SLC68A1: variants seen among roughly 807,000 people sequenced by gnomAD.
SLC68A1 encodes solute carrier family 68 member 1.
At chr10:102,471,070 G>A in the SLC68A1 span, 2 of 1,613,920 alleles carry the variant, frequency 1.2e-6, no homozygotes, top group Non-Finnish European at 1.7e-6. Context: ...GGCGGGTTGA[G>A]GCGGCCCGAA....
chr10:102,475,643 T>G, the SLC68A1 span: 1 of 1,488,030 alleles, frequency 6.7e-7, no homozygotes, highest in African/African-American at 1.4e-5. Flanking sequence ...GTCTGAGATG[T>G]CACACCATAG....
chr10:102,474,641 TTTTA>T, the SLC68A1 span, among the ~76,000 whole-genome samples: 4 of 151,918 alleles, frequency 2.6e-5, no homozygotes, highest in Non-Finnish European at 5.9e-5. Context: ...AGGGTTTTAT[TTTTA>T]TTTATTTATT....
chr10:102,467,141 G>T, the SLC68A1 span, among the ~76,000 whole-genome samples: 1 of 152,178 alleles, frequency 6.6e-6, no homozygotes, highest in South Asian at 2.1e-4. Context: ...GGGTTCAAGC[G>T]ATTCTCCTGC....
the SLC68A1 span, chr10:102,470,573 G>A: frequency 1.3e-6 from 2 of 1,535,320 alleles, no homozygotes; most frequent in African/African-American, 1.4e-5. Flanking sequence ...CACACCCTGG[G>A]CCTCCATCCC....
the SLC68A1 span, chr10:102,475,934 C>T: frequency 7.4e-6 from 12 of 1,613,296 alleles, no homozygotes; most frequent in African/African-American, 1.3e-4. Context: ...GGTCAAGGCC[C>T]AGCGCCAGAA....
chr10:102,471,192 C>CT, the SLC68A1 span: 2 of 1,599,080 alleles, frequency 1.3e-6, no homozygotes, highest in Non-Finnish European at 1.7e-6. Context: ...GGGTCCCCGG[C>CT]TGATGGGGGC....
the SLC68A1 span, chr10:102,475,601 CAGG>C: frequency 8.6e-7 from 1 of 1,157,370 alleles, no homozygotes; most frequent in Non-Finnish European, 1.2e-6. Flanking sequence ...TTGGAGGAAT[CAGG>C]AGTTGTGGTC....
At chr10:102,472,207 T>C in the SLC68A1 span, 2 of 314,562 alleles carry the variant, frequency 6.4e-6, no homozygotes, top group African/African-American at 4.5e-5. Flanking sequence ...ATGCAGTATA[T>C]AAACTGGCTG....
the SLC68A1 span, chr10:102,469,980 C>T: frequency 6.2e-7 from 1 of 1,613,112 alleles, no homozygotes; most frequent in Non-Finnish European, 8.5e-7. Context: ...TCCTGTCTCC[C>T]CTCTGCCTGC....
At chr10:102,476,411 G>C in the SLC68A1 span, 1 of 616,232 alleles carries the variant, frequency 1.6e-6, no homozygotes, top group Non-Finnish European at 2.0e-6. Flanking sequence ...CACCACATTG[G>C]CCAGGCTGGT....
At chr10:102,471,257 C>A in the SLC68A1 span, 1 of 1,610,550 alleles carries the variant, frequency 6.2e-7, no homozygotes, top group Non-Finnish European at 8.5e-7. Context: ...GTTCTCCACT[C>A]CCTTCTGCCC....
chr10:102,463,361 G>A, the SLC68A1 span, among the ~76,000 whole-genome samples: 2 of 152,144 alleles, frequency 1.3e-5, no homozygotes, highest in South Asian at 4.1e-4. Flanking sequence ...TTAGTAGAGA[G>A]GAGGTTTCAT....
At chr10:102,463,248 C>T in the SLC68A1 span, among the ~76,000 whole-genome samples, 3 of 150,564 alleles carry the variant, frequency 2.0e-5, no homozygotes, top group Non-Finnish European at 4.4e-5. Flanking sequence ...TTTCGGCTCA[C>T]TGCAAGCTCC....
At chr10:102,472,316 G>GT in the SLC68A1 span, 2 of 294,294 alleles carry the variant, frequency 6.8e-6, no homozygotes. Flanking sequence ...AGGCTGGAGT[G>GT]TAGTGGCATG....
the SLC68A1 span, chr10:102,473,745 T>G: frequency 6.2e-7 from 1 of 1,611,388 alleles, no homozygotes; most frequent in Non-Finnish European, 8.5e-7. Context: ...TTGCCAGGTA[T>G]GCCCCTGCCC....
the SLC68A1 span, among the ~76,000 whole-genome samples, chr10:102,466,474 C>G: frequency 4.4e-4 from 52 of 117,262 alleles, no homozygotes; most frequent in African/African-American, 1.6e-3. Flanking sequence ...CAGAGCAAGA[C>G]TCCACCTCAA....
chr10:102,472,074 G>A, the SLC68A1 span: 2 of 454,616 alleles, frequency 4.4e-6, no homozygotes, highest in Non-Finnish European at 8.8e-6. Flanking sequence ...AAGGTGGAAA[G>A]ACCGCTTGAG....
At chr10:102,467,525 G>A in the SLC68A1 span, among the ~76,000 whole-genome samples, 1 of 152,096 alleles carries the variant, frequency 6.6e-6, no homozygotes, top group Non-Finnish European at 1.5e-5. Flanking sequence ...AAAGCTTTGA[G>A]GAAAAAAAGA....
chr10:102,476,551 C>T, the SLC68A1 span: 3 of 986,084 alleles, frequency 3.0e-6, no homozygotes, highest in Non-Finnish European at 3.6e-6. Flanking sequence ...TCCTCTAGTG[C>T]AGCCTGGAAG....
Sources: allele counts gnomAD v4.1 joint callset (sites outside exome capture counted in the v4.1 genomes callset), GRCh38; gene constraint gnomAD v4.1.1; transcripts MANE v1.5; gene names NCBI Gene and HGNC (gene_info 2026-07-23, HGNC 2026-07-21).